The following SLC22A24 variants were observed in gnomAD, a reference collection of about 807,000 sequenced individuals.
SLC22A24 encodes the protein steroid transmembrane transporter SLC22A24.
SLC22A24 carries 53 observed loss-of-function variants against 49.8 expected under a neutral mutation model. That is an observed-to-expected ratio of 1.06 (90% CI 0.85 to 1.34). The LOEUF is 1.34. Among genes scored for constraint, SLC22A24 ranks in the 40% most tolerant of loss-of-function variants. The probability of loss-of-function intolerance (pLI) is 0.00; values close to 1 mark genes in which losing one functional copy is unlikely to be tolerated. For synonymous variants in SLC22A24, 302 were observed against 256.4 expected (o/e 1.18, Z -1.70); for missense variants, 786 against 675.9 (o/e 1.16, Z -1.81).
In SLC22A24 at chr11:63,144,091, C is replaced by T. The variant is rs191644229; in HGVS notation, c.-312G>A. On this transcript the variant is annotated 5_prime_UTR_variant, in exon 1 of 10. Coordinates refer to ENST00000612278, the MANE Select transcript of SLC22A24 (RefSeq NM_001136506.2). The stretch of plus-strand genomic sequence containing the variant: ...AGACTACTCTGTGAAAGATCCTGAT[C>T]TCTGAGTTTCCTGATAAGTCAACGG... The T allele has an allele frequency of 1.6e-4, 35 of 215,610 alleles. No individual in the cohort carries two copies. The highest frequency in any genetic ancestry group is 2.3e-4 in the Non-Finnish European group (25 of 109,678). 13.4% of individuals were successfully genotyped at this position (215,610 alleles called of 1,614,324 possible).
At chr11:63,130,626 C>G (rs1590748924) in intron 2 of SLC22A24, among the ~76,000 whole-genome samples, 1 of 152,094 alleles carries the variant, frequency 6.6e-6, no homozygotes, top group Non-Finnish European at 1.5e-5. Flanking sequence ...GATTGGTGGG[C>G]TGTTAATTAT....
intron 4 of SLC22A24, among the ~76,000 whole-genome samples, chr11:63,106,767 G>A (rs1265592191): frequency 6.6e-6 from 1 of 152,076 alleles, no homozygotes; most frequent in Non-Finnish European, 1.5e-5. Flanking sequence ...CCCACTTTTT[G>A]ATGGGGTTGT....
intron 2 of SLC22A24, among the ~76,000 whole-genome samples, chr11:63,128,676 CTCTG>C (rs2087311203): frequency 6.6e-6 from 1 of 151,136 alleles, no homozygotes; most frequent in African/African-American, 2.4e-5. Context: ...CTCTCTCTCT[CTCTG>C]TCTGCCTCAG....
At position 63,119,081 on chromosome 11, in the gene SLC22A24, C is replaced by G; in HGVS notation, c.662-1G>C. 2.6e-6 allele frequency: 4 copies of G among 1,545,618 alleles called. No individual in the cohort carries two copies. The highest frequency in any genetic ancestry group is 2.5e-5 in the East Asian group (1 of 40,816). Reference sequence around the variant, plus strand: ...GACCGGGGCAATGTCCACTCTAAGCCTGGAAGAAAACATATACATAGTAAT... The same window carrying G: ...GACCGGGGCAATGTCCACTCTAAGCGTGGAAGAAAACATATACATAGTAAT... On this transcript the variant is annotated splice_acceptor_variant, in intron 3 of 9. Coordinates refer to ENST00000612278, the MANE Select transcript of SLC22A24 (RefSeq NM_001136506.2). LOFTEE classifies it high-confidence loss of function.
intron 1 of SLC22A24, among the ~76,000 whole-genome samples, chr11:63,139,600 G>A (rs939281930): frequency 6.6e-6 from 1 of 152,174 alleles, no homozygotes; most frequent in African/African-American, 2.4e-5. Context: ...TCTCATGGGG[G>A]ATGGTCTAAT....
intron 4 of SLC22A24, among the ~76,000 whole-genome samples, chr11:63,112,748 G>A (rs935574382): frequency 9.9e-5 from 15 of 151,752 alleles, no homozygotes; most frequent in Non-Finnish European, 1.6e-4. Context: ...GGTTAATATT[G>A]TTACGTGTGA....
intron 2 of SLC22A24, among the ~76,000 whole-genome samples, chr11:63,127,053 C>T (rs755354471): frequency 6.6e-5 from 10 of 152,022 alleles, no homozygotes; most frequent in Non-Finnish European, 1.0e-4. Context: ...TATGTATACA[C>T]GTGCCATATT....
At chr11:63,110,168 C>T (rs892812342) in intron 4 of SLC22A24, among the ~76,000 whole-genome samples, 4 of 150,576 alleles carry the variant, frequency 2.7e-5, no homozygotes, top group Non-Finnish European at 4.4e-5. Context: ...AGATATGCGG[C>T]GTTATTTCTG....
At chr11:63,082,187 T>C (rs571448223) in intron 7 of SLC22A24, among the ~76,000 whole-genome samples, 59 of 152,274 alleles carry the variant, frequency 3.9e-4, no homozygotes, top group African/African-American at 1.3e-3. Context: ...TTCTACCATA[T>C]AGTAAGAAAA....
chr11:63,097,876 A>G (rs1172103803), intron 5 of SLC22A24, among the ~76,000 whole-genome samples: 1 of 152,082 alleles, frequency 6.6e-6, no homozygotes, highest in Non-Finnish European at 1.5e-5. Flanking sequence ...CAATGAGAAC[A>G]CATGGACACA....
chr11:63,099,541 ATACGG>A (rs2087077936), intron 5 of SLC22A24, among the ~76,000 whole-genome samples: 1 of 151,922 alleles, frequency 6.6e-6, no homozygotes, highest in South Asian at 2.1e-4. Flanking sequence ...TTCTGAAAAA[ATACGG>A]GAGGAGAAAA....
At chr11:63,105,397 C>CT (rs71065333) in intron 4 of SLC22A24, among the ~76,000 whole-genome samples, 1 of 152,046 alleles carries the variant, frequency 6.6e-6, no homozygotes, top group Non-Finnish European at 1.5e-5. Context: ...CAGAGGTTTT[C>CT]ATGAGGGTCC....
chr11:63,139,165 A>G lies in SLC22A24; in HGVS notation c.402+4213T>C, dbSNP rs537211930. Among the ~76,000 whole-genome samples, 3 of 152,132 alleles carry G rather than the reference A, an allele frequency of 2.0e-5. No homozygotes were observed. In the South Asian group the frequency reaches 6.3e-4, roughly 32 times the overall value. On this transcript the variant is annotated intron_variant, in intron 1 of 9. Coordinates refer to ENST00000612278, the MANE Select transcript of SLC22A24 (RefSeq NM_001136506.2). The stretch of plus-strand genomic sequence containing the variant: ...AAGCTTTTTTCTTCTCAGTCAACTG[A>G]AATATTTTTCTCCATTTTTTTTTGT...
Position 63,144,085 on chromosome 11 carries a change from C to T in SLC22A24, c.-306G>A, listed in dbSNP as rs1008141150. 3 of 224,000 alleles carry T rather than the reference C, an allele frequency of 1.3e-5. No homozygotes were observed. The highest frequency in any genetic ancestry group is 5.8e-5 in the Admixed American group (1 of 17,282). The allele number at this position is 224,000 out of a possible 1,614,324, so 13.9% of individuals were successfully genotyped here. The stretch of plus-strand genomic sequence containing the variant: ...CTTAAAAGACTACTCTGTGAAAGAT[C>T]CTGATCTCTGAGTTTCCTGATAAGT... On this transcript the variant is annotated 5_prime_UTR_variant, in exon 1 of 10. Transcript: ENST00000612278.
chr11:63,122,021 C>A (rs1308182537), intron 2 of SLC22A24, among the ~76,000 whole-genome samples: 1 of 152,052 alleles, frequency 6.6e-6, no homozygotes, highest in African/African-American at 2.4e-5. Flanking sequence ...ATGAAAGAGG[C>A]CTTGCCCAAA....
chr11:63,099,546 G>C lies in SLC22A24; in HGVS notation c.955-3440C>G, dbSNP rs550051534. 1.2e-3 allele frequency among the ~76,000 whole-genome samples: 189 copies of C among 151,564 alleles called. 1 individual carries two copies. The highest frequency in any genetic ancestry group is 4.4e-3 in the African/African-American group (183 of 41,316). ...ACTCAAACTATTCTGAAAAAATACG[G>C]GAGGAGAAAATACTTTCAAACCCAT... On this transcript the variant is annotated intron_variant, in intron 5 of 9. Coordinates refer to ENST00000612278, the MANE Select transcript of SLC22A24 (RefSeq NM_001136506.2).
intron 2 of SLC22A24, among the ~76,000 whole-genome samples, chr11:63,121,934 T>G (rs1472195598): frequency 6.6e-6 from 1 of 151,996 alleles, no homozygotes. Flanking sequence ...ACATTAATAA[T>G]AAACACATGA....
At chr11:63,104,388 T>A in intron 4 of SLC22A24, 90 bp from the exon 5 acceptor site, 1 of 1,337,092 alleles carries the variant, frequency 7.5e-7, no homozygotes, top group Non-Finnish European at 1.0e-6. Flanking sequence ...TTTGATTTAA[T>A]ACAGACATTA....
intron 4 of SLC22A24, among the ~76,000 whole-genome samples, chr11:63,110,660 G>T (rs970060566): frequency 7.5e-6 from 1 of 133,394 alleles, no homozygotes; most frequent in African/African-American, 2.7e-5. Context: ...GTCTGTTGTT[G>T]GTGTATAAGA....
Sources: gnomAD v4.1 joint callset for allele counts (sites outside exome capture counted in the v4.1 genomes callset) on GRCh38, gnomAD v4.1.1 for gene constraint, MANE v1.5 for transcripts, NCBI Gene and HGNC (gene_info 2026-07-23, HGNC 2026-07-21) for gene names.